The following ELF2 variants were observed in gnomAD, a reference collection of about 807,000 sequenced individuals.
ELF2 encodes ETS-related transcription factor Elf-2.
ELF2 carries 11 observed loss-of-function variants against 54.8 expected under a neutral mutation model. The observed-to-expected ratio is 0.20, with a 90% CI of 0.13 to 0.33. The LOEUF (loss-of-function observed/expected upper bound fraction) is 0.33. Among genes scored for constraint, ELF2 ranks in the 10% least tolerant of loss-of-function variants. The pLI, the probability that ELF2 is intolerant of heterozygous loss-of-function variation, is 1.00. For missense variants in ELF2, 513 were observed against 703.0 expected (o/e 0.73, Z 3.06); for synonymous variants, 203 against 245.1 (o/e 0.83, Z 1.61).
chr4:139,077,450 A>G (rs1730464181), intron 4 of ELF2, among the ~76,000 whole-genome samples: 1 of 152,200 alleles, frequency 6.6e-6, no homozygotes, highest in Non-Finnish European at 1.5e-5. Context: ...TTATCTCATC[A>G]TTTTTATTTA....
At chr4:139,151,035 A>AAAAAGAAAG (rs201472609) in intron 1 of ELF2, among the ~76,000 whole-genome samples, 2,640 of 42,468 alleles carry the variant, frequency 0.062, 119 homozygotes, top group Non-Finnish European at 0.12. Flanking sequence ...AAAAAAAAAA[A>AAAAAGAAAG]GAAAGAAAGA....
chr4:139,174,244 A>T (rs568320290), intron 1 of ELF2, among the ~76,000 whole-genome samples: 156 of 149,008 alleles, frequency 1.0e-3, no homozygotes, highest in Admixed American at 3.5e-3. Context: ...AATAGATTTT[A>T]AAAAAAAAAG....
At chr4:139,135,237 A>ATGTGTGTG (rs61122327) in intron 3 of ELF2, among the ~76,000 whole-genome samples, 173 of 112,458 alleles carry the variant, frequency 1.5e-3, no homozygotes, top group African/African-American at 2.6e-3. Context: ...TACTATATAT[A>ATGTGTGTG]TGTGTGTGTG....
intron 1 of ELF2, among the ~76,000 whole-genome samples, chr4:139,159,588 T>C (rs1395378096): frequency 6.6e-6 from 1 of 152,118 alleles, no homozygotes; most frequent in Non-Finnish European, 1.5e-5. Context: ...TCCTGAGCCA[T>C]GGGATCTGAT....
intron 1 of ELF2, among the ~76,000 whole-genome samples, chr4:139,166,870 A>AAAAAT (rs1320254261): frequency 6.6e-6 from 1 of 152,234 alleles, no homozygotes; most frequent in Non-Finnish European, 1.5e-5. Context: ...TCCGTCTCAA[A>AAAAAT]AAAATAAAAT....
At chr4:139,130,240 A>T (rs1263840603) in intron 3 of ELF2, among the ~76,000 whole-genome samples, 1 of 148,316 alleles carries the variant, frequency 6.7e-6, no homozygotes, top group South Asian at 2.1e-4. Context: ...AAACAACAAT[A>T]AAAAAAAAAT....
Position 139,060,970 on chromosome 4 carries a change from A to G in ELF2, c.807-296T>C, listed in dbSNP as rs186242211. On this transcript the variant is annotated intron_variant, in intron 8 of 9. Transcript: ENST00000686138. ...TTACCTTACCGTTGACTATTTTACTATACTGACAATGGTAGAAATTATTTT... is the reference window on the plus strand; with the variant it reads ...TTACCTTACCGTTGACTATTTTACTGTACTGACAATGGTAGAAATTATTTT... 1.8e-4 allele frequency among the ~76,000 whole-genome samples: 27 copies of G among 152,294 alleles called. No homozygotes were observed. In the East Asian group the frequency reaches 5.2e-3, roughly 29 times the overall value.
In ELF2 at chr4:139,118,125, A is replaced by G. The variant is rs184664509; in HGVS notation, c.238+7039T>C. Among the ~76,000 whole-genome samples, 4 of 152,300 alleles carry G rather than the reference A, an allele frequency of 2.6e-5. No individual in the cohort carries two copies. The East Asian group carries it at 7.7e-4, about 29-fold the overall frequency. On this transcript the variant is annotated intron_variant, in intron 4 of 9. Transcript: ENST00000686138. ...CATTTGTATTTTCCAGCTAGTTATTATATGTTCAACAGTATATTTAACAAA... is the reference window on the plus strand; with the variant it reads ...CATTTGTATTTTCCAGCTAGTTATTGTATGTTCAACAGTATATTTAACAAA...
At chr4:139,086,307 C>T (rs1360218330) in intron 4 of ELF2, among the ~76,000 whole-genome samples, 1 of 151,888 alleles carries the variant, frequency 6.6e-6, no homozygotes. Context: ...TCAAGAAAAC[C>T]GTAAGAAAAA....
At chr4:139,158,310 C>G (rs1220254538) in intron 1 of ELF2, among the ~76,000 whole-genome samples, 2 of 152,166 alleles carry the variant, frequency 1.3e-5, no homozygotes, top group African/African-American at 4.8e-5. Flanking sequence ...TTCAGGCCAT[C>G]TGGATGTATA....
chr4:139,060,192 C>G, intron 9 of ELF2, 132 bp downstream of exon 9: 2 of 793,024 alleles, frequency 2.5e-6, no homozygotes, highest in Non-Finnish European at 3.9e-6. Flanking sequence ...ATTAAAACAT[C>G]AAGCACTTTT....
At chr4:139,174,800 T>C (rs144315869) in intron 1 of ELF2, among the ~76,000 whole-genome samples, 1 of 152,208 alleles carries the variant, frequency 6.6e-6, no homozygotes, top group Non-Finnish European at 1.5e-5. Context: ...TCATTTTTCC[T>C]AGGAGACAGG....
At chr4:139,094,443 T>C (rs958530913) in intron 4 of ELF2, among the ~76,000 whole-genome samples, 79 of 152,200 alleles carry the variant, frequency 5.2e-4, no homozygotes, top group African/African-American at 1.9e-3. Flanking sequence ...AGGATAAAAG[T>C]AGGAACTGAA....
At chr4:139,095,637 C>A (rs1253828518) in intron 4 of ELF2, among the ~76,000 whole-genome samples, 2 of 152,128 alleles carry the variant, frequency 1.3e-5, no homozygotes, top group African/African-American at 2.4e-5. Flanking sequence ...ATGGCTACTA[C>A]AATAATTAAC....
At position 139,073,526 on chromosome 4, in the gene ELF2, T is replaced by C; in HGVS notation, c.280A>G (p.Lys94Glu). ...VHSSNAHCTD[K>E]TIEAAEALLH... Reference sequence around the variant, plus strand: ...AGGGCTTCAGCAGCTTCAATTGTCTTATCTGTACAGTGTGCATTACTGCTG... The same window carrying C: ...AGGGCTTCAGCAGCTTCAATTGTCTCATCTGTACAGTGTGCATTACTGCTG... Residue 94 changes from lysine to glutamate, a missense_variant, in exon 5 of 10, where the codon AAG (lysine) becomes GAG (glutamate). Lys to Glu is a moderately conservative substitution (Grantham distance 56). Transcript: ENST00000686138. The C allele has an allele frequency of 1.2e-6, 2 of 1,608,984 alleles. No homozygotes were observed. Among genetic ancestry groups the C allele is most frequent in the Non-Finnish European group, 1.7e-6 (2 of 1,176,612 alleles).
At chr4:139,146,284 A>AAT (rs1739217826) in intron 1 of ELF2, among the ~76,000 whole-genome samples, 1 of 152,192 alleles carries the variant, frequency 6.6e-6, no homozygotes, top group African/African-American at 2.4e-5. Context: ...CAGCTGCAAA[A>AAT]ATATATATAA....
chr4:139,111,115 G>A (rs1734906097), intron 4 of ELF2, among the ~76,000 whole-genome samples: 1 of 152,038 alleles, frequency 6.6e-6, no homozygotes, highest in Admixed American at 6.6e-5. Context: ...TAGTTGCAAA[G>A]GCTCAAATCA....
intron 1 of ELF2, among the ~76,000 whole-genome samples, chr4:139,164,931 A>C (rs1741573378): frequency 6.6e-6 from 1 of 152,170 alleles, no homozygotes; most frequent in Non-Finnish European, 1.5e-5. Context: ...ATTTCTCTAT[A>C]ATATGGTGTA....
intron 4 of ELF2, among the ~76,000 whole-genome samples, chr4:139,080,848 C>T (rs1038402479): frequency 5.3e-5 from 8 of 151,412 alleles, no homozygotes; most frequent in African/African-American, 1.9e-4. Flanking sequence ...TCCAATTTGG[C>T]ACACATTTTT....
Sources: gnomAD v4.1 joint callset for allele counts (sites outside exome capture counted in the v4.1 genomes callset) on GRCh38, gnomAD v4.1.1 for gene constraint, MANE v1.5 for transcripts, NCBI Gene and HGNC (gene_info 2026-07-23, HGNC 2026-07-21) for gene names.